SEC14L5: variants seen among roughly 807,000 people sequenced by gnomAD.
SEC14L5 encodes SEC14 like lipid binding 5, also known as SEC14-like protein 5.
SEC14L5 carries 96 observed loss-of-function variants against 84.6 expected under a neutral mutation model. That is an observed-to-expected ratio of 1.13 (90% CI 0.96 to 1.34). The LOEUF (loss-of-function observed/expected upper bound fraction) is 1.34, where lower values mean the gene tolerates loss of function less well. SEC14L5 is among the 40% of genes most tolerant of loss of function. The pLI is 0.00. For missense variants in SEC14L5, 1,224 were observed against 942.5 expected, an observed-to-expected ratio of 1.30 and a Z score of -3.91; for synonymous variants, 546 against 383.4, an observed-to-expected ratio of 1.42 and a Z score of -4.95.
At chr16:4,982,117 C>T (rs1043877439) in intron 2 of SEC14L5, among the ~76,000 whole-genome samples, 4 of 152,156 alleles carry the variant, frequency 2.6e-5, no homozygotes, top group Non-Finnish European at 5.9e-5. Context: ...GCAGCTCTGT[C>T]CTCCTGGCCC....
At chr16:4,968,370 G>A (rs1424812265) in intron 2 of SEC14L5, among the ~76,000 whole-genome samples, 1 of 152,050 alleles carries the variant, frequency 6.6e-6, no homozygotes, top group Non-Finnish European at 1.5e-5. Flanking sequence ...GCACAGACGG[G>A]GTTTCTCCAT....
chr16:5,010,060 G>C (rs1955780845), intron 14 of SEC14L5, among the ~76,000 whole-genome samples: 1 of 151,784 alleles, frequency 6.6e-6, no homozygotes, highest in Non-Finnish European at 1.5e-5. Context: ...TGTAGGTCTT[G>C]GGCCGGGTGC....
chr16:4,959,089 T>G (rs1336220104), intron 1 of SEC14L5, among the ~76,000 whole-genome samples, 184 bp from the exon 2 acceptor site: 1 of 150,576 alleles, frequency 6.6e-6, no homozygotes, highest in Non-Finnish European at 1.5e-5. Flanking sequence ...TCTGGGGCCA[T>G]GGCTAATGAC....
At chr16:5,012,491 C>T (rs1489339153) in intron 15 of SEC14L5, among the ~76,000 whole-genome samples, 3 of 152,212 alleles carry the variant, frequency 2.0e-5, no homozygotes, top group African/African-American at 7.2e-5. Context: ...GGGGGGACCA[C>T]ACAGATAGGG....
chr16:4,972,986 G>A (rs918330506), intron 2 of SEC14L5, among the ~76,000 whole-genome samples: 3 of 152,252 alleles, frequency 2.0e-5, no homozygotes, highest in Non-Finnish European at 2.9e-5. Context: ...TGTTGACTAT[G>A]TGCTAGGCAT....
chr16:4,987,646 T>C lies in SEC14L5; in HGVS notation c.153T>C (p.Ala51=). 1 of 1,554,576 alleles carries C rather than the reference T, an allele frequency of 6.4e-7. No individual in the cohort carries two copies. The highest frequency in any genetic ancestry group is 8.7e-7 in the Non-Finnish European group (1 of 1,151,052). The change falls in exon 3 of 16, where the codon GCT becomes GCC. Residue 51 remains alanine, a synonymous_variant. Coordinates refer to ENST00000251170, the MANE Select transcript of SEC14L5 (RefSeq NM_014692.2). ...GCGAGTCCCGCAGCCCGGACGGGGC[T>C]GTGCACGTGGTGGAGCGGAGCTGCC... ...VLRESRSPDG[A]VHVVERSCRL...
rs1290365461 is a variant in SEC14L5 at position 4,959,276 on chromosome 16, C to G, written c.-48C>G. 7 of 1,480,456 alleles carry G rather than the reference C, an allele frequency of 4.7e-6. No individual in the cohort carries two copies. Among genetic ancestry groups the G allele is most frequent in the Non-Finnish European group, 4.7e-6 (5 of 1,058,344 alleles). 91.7% of individuals were successfully genotyped at this position (1,480,456 alleles called of 1,614,324 possible). A position where few individuals can be genotyped will look rare whatever the true frequency, so the allele number is the denominator to read the frequency against. On this transcript the variant is annotated 5_prime_UTR_variant, in exon 2 of 16. Transcript: ENST00000251170. The stretch of plus-strand genomic sequence containing the variant: ...CACCAGTCACTCCTCGCCCCAGGCT[C>G]TGTGCACACCCCTGCCTGGTGACCT...
chr16:4,970,043 GCTGGGCTCAAGTGAA>G (rs547136592), intron 2 of SEC14L5, among the ~76,000 whole-genome samples: 10 of 152,242 alleles, frequency 6.6e-5, no homozygotes, highest in African/African-American at 2.4e-4. Context: ...GTCTTGAACT[GCTGGGCTCAAGTGAA>G]CTGACTGCCT....
At chr16:4,973,238 T>A (rs951070988) in intron 2 of SEC14L5, among the ~76,000 whole-genome samples, 1 of 152,256 alleles carries the variant, frequency 6.6e-6, no homozygotes. Context: ...GCCCTTGTCC[T>A]GTCACTGAGT....
intron 14 of SEC14L5, 79 bp downstream of exon 14, chr16:5,008,727 G>C (rs1296805199): frequency 1.5e-6 from 2 of 1,292,746 alleles, no homozygotes; most frequent in Non-Finnish European, 2.2e-6. Context: ...TGGGGATACA[G>C]CGGAGGACAT....
intron 2 of SEC14L5, among the ~76,000 whole-genome samples, chr16:4,971,003 G>C (rs1955270482): frequency 6.6e-6 from 1 of 151,974 alleles, no homozygotes; most frequent in South Asian, 2.1e-4. Context: ...AGCTACGCGG[G>C]GGGCTGAGGC....
At chr16:4,980,629 A>G (rs975761742) in intron 2 of SEC14L5, among the ~76,000 whole-genome samples, 1 of 152,108 alleles carries the variant, frequency 6.6e-6, no homozygotes, top group African/African-American at 2.4e-5. Flanking sequence ...CGGCACAGGT[A>G]TGAGGTTGTG....
At chr16:4,961,290 C>A (rs1264728917) in intron 2 of SEC14L5, among the ~76,000 whole-genome samples, 2 of 140,470 alleles carry the variant, frequency 1.4e-5, no homozygotes, top group Non-Finnish European at 3.2e-5. Context: ...ACAACAGCAA[C>A]AACAACAACA....
Position 4,962,698 on chromosome 16 carries a change from A to AC in SEC14L5, c.63+3312_63+3313insC, listed in dbSNP as rs1555527598. Among the ~76,000 whole-genome samples the AC allele has an allele frequency of 9.5e-3, 1,446 of 151,474 alleles. 30 individuals are homozygous for AC. The highest frequency in any genetic ancestry group is 0.033 in the African/African-American group (1,340 of 41,174). Reference sequence around the variant, plus strand: ...TGAAACTCTGTCTCAAAAAAAAAAAAAAAAAAAAAACTTCCTTATCTGTAC... The same window carrying AC: ...TGAAACTCTGTCTCAAAAAAAAAAAACAAAAAAAAAACTTCCTTATCTGTAC... On this transcript the variant is annotated intron_variant, in intron 2 of 15. Coordinates refer to ENST00000251170, the MANE Select transcript of SEC14L5 (RefSeq NM_014692.2).
At chr16:4,989,642 C>T (rs964357088) in intron 4 of SEC14L5, among the ~76,000 whole-genome samples, 13 of 152,192 alleles carry the variant, frequency 8.5e-5, no homozygotes, top group African/African-American at 1.9e-4. Flanking sequence ...CCACCGTACC[C>T]GGCTCCATTG....
chr16:4,988,030 G>A (rs1596627824), intron 3 of SEC14L5, 119 bp from the exon 4 acceptor site: 4 of 1,105,908 alleles, frequency 3.6e-6, no homozygotes, highest in East Asian at 5.1e-5. Context: ...GGGCGGTGGC[G>A]CAAGGGACCT....
intron 2 of SEC14L5, among the ~76,000 whole-genome samples, chr16:4,966,701 C>T (rs940875161): frequency 1.3e-5 from 2 of 152,164 alleles, no homozygotes; most frequent in Non-Finnish European, 2.9e-5. Flanking sequence ...CCAAAGCAAA[C>T]ATGTAGCAGG....
rs1017670448 is a variant in SEC14L5 at position 4,981,420 on chromosome 16, G to A, written c.64-6137G>A. Among the ~76,000 whole-genome samples the A allele has an allele frequency of 5.3e-5, 8 of 151,960 alleles. No individual in the cohort carries two copies. In the East Asian group the frequency reaches 1.5e-3, roughly 29 times the overall value. On this transcript the variant is annotated intron_variant, in intron 2 of 15. Coordinates refer to ENST00000251170, the MANE Select transcript of SEC14L5 (RefSeq NM_014692.2). The stretch of plus-strand genomic sequence containing the variant: ...AGCCACCGCGCCTGGTCTCGTCAAG[G>A]CCTGTTCTGTGTATATCCTCCCCCG...
chr16:4,970,545 A>G (rs918924348), intron 2 of SEC14L5, among the ~76,000 whole-genome samples: 1 of 152,150 alleles, frequency 6.6e-6, no homozygotes, highest in African/African-American at 2.4e-5. Context: ...CTGACATACC[A>G]TGTAAATGTC....
Sources: allele counts gnomAD v4.1 joint callset (sites outside exome capture counted in the v4.1 genomes callset), GRCh38; gene constraint gnomAD v4.1.1; transcripts MANE v1.5; gene names NCBI Gene and HGNC (gene_info 2026-07-23, HGNC 2026-07-21).